The following TEKT5 variants were observed in gnomAD, a reference collection of about 807,000 sequenced individuals.
TEKT5 encodes the protein tektin 5.
A neutral mutation model predicts 48.7 loss-of-function variants in TEKT5; 52 were observed. The ratio of observed to expected loss-of-function variants is 1.07; its 90% CI spans 0.86 to 1.35. TEKT5 has a LOEUF of 1.35. Ranked by LOEUF, TEKT5 falls within the 40% of genes most tolerant of loss-of-function variation. TEKT5 has a pLI of 0.00. For missense variants in TEKT5, 831 were observed against 641.6 expected (o/e 1.30, Z -3.19); for synonymous variants, 318 against 267.6 (o/e 1.19, Z -1.84).
intron 5 of TEKT5, 77 bp from the exon 6 acceptor site, chr16:10,635,995 G>A: frequency 6.4e-7 from 1 of 1,564,826 alleles, no homozygotes; most frequent in Non-Finnish European, 8.6e-7. Flanking sequence ...GGGGGAGCAA[G>A]TCAGCTAGGT....
intron 5 of TEKT5, among the ~76,000 whole-genome samples, chr16:10,648,401 T>G (rs1243411589): frequency 6.6e-6 from 1 of 152,130 alleles, no homozygotes. Context: ...CACTGCAACC[T>G]CCGCCTCCCA....
rs1897779292 is a variant in TEKT5 at position 10,627,958 on chromosome 16, G to C, written c.1242-159C>G. Among the ~76,000 whole-genome samples the C allele has an allele frequency of 2.2e-5, 3 of 138,576 alleles. 1 individual carries two copies. The highest frequency in any genetic ancestry group is 7.6e-5 in the African/African-American group (3 of 39,224). 90.9% of individuals were successfully genotyped at this position (138,576 alleles called of 152,430 possible). A position where few individuals can be genotyped will look rare whatever the true frequency, so the allele number is the denominator to read the frequency against. ...CCCGGGTTCAAGTAATTCTGCCTCAGCCTCCCGAGTAGCTGGGATTACGGG... is the reference window on the plus strand; with the variant it reads ...CCCGGGTTCAAGTAATTCTGCCTCACCCTCCCGAGTAGCTGGGATTACGGG... On this transcript the variant is annotated intron_variant, in intron 6 of 6. Coordinates refer to ENST00000283025, the MANE Select transcript of TEKT5 (RefSeq NM_144674.2).
chr16:10,635,382 GC>G (rs1214149277), intron 6 of TEKT5, among the ~76,000 whole-genome samples: 5 of 152,182 alleles, frequency 3.3e-5, no homozygotes, highest in African/African-American at 1.2e-4. Flanking sequence ...AGGAATGGGT[GC>G]CTCTTTCATG....
chr16:10,662,519 C>T (rs867980861), intron 5 of TEKT5, among the ~76,000 whole-genome samples: 2 of 152,196 alleles, frequency 1.3e-5, no homozygotes, highest in African/African-American at 2.4e-5. Flanking sequence ...TTGTTCTGCA[C>T]GTAGCCCCGG....
At position 10,660,716 on chromosome 16, in the gene TEKT5, T is replaced by C. The variant is rs552754286; in HGVS notation, c.1086+15243A>G. Among the ~76,000 whole-genome samples, 235 of 149,586 alleles carry C rather than the reference T, an allele frequency of 1.6e-3. 2 individuals carry two copies. The highest frequency in any genetic ancestry group is 5.7e-3 in the African/African-American group (226 of 39,642). ...GTGTGTGTGTGTGTTATTTATTTATTTGAAGACAGAGTCTTGCTCTGTTGC... is the reference window on the plus strand; with the variant it reads ...GTGTGTGTGTGTGTTATTTATTTATCTGAAGACAGAGTCTTGCTCTGTTGC... On this transcript the variant is annotated intron_variant, in intron 5 of 6. Transcript: ENST00000283025.
intron 5 of TEKT5, among the ~76,000 whole-genome samples, chr16:10,660,495 C>T (rs1898347893): frequency 6.6e-6 from 1 of 152,158 alleles, no homozygotes; most frequent in Admixed American, 6.6e-5. Flanking sequence ...GCCCAGACCC[C>T]CACTCAGAAC....
chr16:10,682,947 C>G (rs548528325), intron 3 of TEKT5, among the ~76,000 whole-genome samples: 3 of 152,196 alleles, frequency 2.0e-5, no homozygotes, highest in South Asian at 2.1e-4. Context: ...TGCTGGGCAC[C>G]GAGGGATGAG....
Position 10,637,882 on chromosome 16 carries a change from C to T in TEKT5, c.1087-1964G>A, listed in dbSNP as rs560867220. On this transcript the variant is annotated intron_variant, in intron 5 of 6. Transcript: ENST00000283025. The stretch of plus-strand genomic sequence containing the variant: ...CTGGAGTGCAGTTGCGCAATCGCAG[C>T]TTACCACAGCCTCGACCTCCAGGGC... Among the ~76,000 whole-genome samples, 5 of 152,336 alleles carry T rather than the reference C, an allele frequency of 3.3e-5. No homozygotes were observed. The South Asian group carries it at 8.3e-4, about 25-fold the overall frequency.
rs1221347614 is a variant in TEKT5 at position 10,629,927 on chromosome 16, AGG to A, written c.1242-2130_1242-2129del. ...GGCTTTGCTTATCTAGAACTTTCCG[AGG>A]GGAGGACTTTTTTTCTTTTTTCTTT... On this transcript the variant is annotated intron_variant, in intron 6 of 6. Transcript: ENST00000283025. Among the ~76,000 whole-genome samples the A allele has an allele frequency of 2.0e-5, 3 of 151,896 alleles. No homozygotes were observed. The East Asian group carries it at 5.8e-4, about 29-fold the overall frequency.
intron 1 of TEKT5, chr16:10,691,153 G>C (rs1490468408): frequency 2.2e-5 from 3 of 137,754 alleles, no homozygotes; most frequent in African/African-American, 8.5e-5. Flanking sequence ...AGCATAGTGA[G>C]ACCCCATCTC....
intron 5 of TEKT5, among the ~76,000 whole-genome samples, chr16:10,636,903 G>A (rs1178740696): frequency 2.6e-5 from 4 of 151,002 alleles, no homozygotes; most frequent in South Asian, 2.1e-4. Context: ...TGCAAACTCC[G>A]CCCCCCAAGT....
rs560801513 is a variant in TEKT5 at position 10,647,510 on chromosome 16, C to T, written c.1087-11592G>A. Among the ~76,000 whole-genome samples, 640 of 151,428 alleles carry T rather than the reference C, an allele frequency of 4.2e-3. 3 individuals carry two copies. The highest frequency in any genetic ancestry group is 8.9e-3 in the Admixed American group (135 of 15,172). On this transcript the variant is annotated intron_variant, in intron 5 of 6. Transcript: ENST00000283025. ...AAAAGCAGCAGCCACCTGTGGTACG[C>T]GCCTTCCTGGCCCCACCCTGAGCCC...
At chr16:10,683,613 G>A (rs977939158) in intron 3 of TEKT5, among the ~76,000 whole-genome samples, 2 of 152,076 alleles carry the variant, frequency 1.3e-5, no homozygotes, top group African/African-American at 4.8e-5. Flanking sequence ...TTTTTGAGAT[G>A]GAGTTTTCCT....
At chr16:10,662,599 C>T (rs985227231) in intron 5 of TEKT5, among the ~76,000 whole-genome samples, 3 of 152,224 alleles carry the variant, frequency 2.0e-5, no homozygotes, top group African/African-American at 4.8e-5. Flanking sequence ...TGCTGTGCTG[C>T]CCATTGCTTT....
chr16:10,680,325 A>G (rs1898725680), intron 4 of TEKT5, among the ~76,000 whole-genome samples: 1 of 152,152 alleles, frequency 6.6e-6, no homozygotes, highest in African/African-American at 2.4e-5. Context: ...GCCAAGGAAC[A>G]CCTTCCTTCT....
chr16:10,673,547 T>C (rs80320604), intron 5 of TEKT5, among the ~76,000 whole-genome samples: 3,020 of 152,150 alleles, frequency 0.02, 140 homozygotes, highest in East Asian at 0.17. Context: ...TCTCACCCTT[T>C]TCTGGTCCTT....
At chr16:10,650,545 A>T (rs1898138688) in intron 5 of TEKT5, among the ~76,000 whole-genome samples, 1 of 151,814 alleles carries the variant, frequency 6.6e-6, no homozygotes, top group South Asian at 2.1e-4. Context: ...TCTTGTCCAG[A>T]CTCTGTCACT....
At chr16:10,658,022 T>C (rs1440555731) in intron 5 of TEKT5, among the ~76,000 whole-genome samples, 1 of 152,220 alleles carries the variant, frequency 6.6e-6, no homozygotes, top group Admixed American at 6.5e-5. Flanking sequence ...TAATCTAATT[T>C]AGAACACTTT....
chr16:10,691,820 C>T (rs980252717), intron 1 of TEKT5, among the ~76,000 whole-genome samples: 15 of 151,482 alleles, frequency 9.9e-5, no homozygotes, highest in Non-Finnish European at 1.6e-4. Context: ...TAGTGGCGGG[C>T]GCCTGTAGTC....
Sources: allele counts gnomAD v4.1 joint callset (sites outside exome capture counted in the v4.1 genomes callset), GRCh38; gene constraint gnomAD v4.1.1; transcripts MANE v1.5; gene names NCBI Gene and HGNC (gene_info 2026-07-23, HGNC 2026-07-21).